Variants in RAPGEF2 observed in about 807,000 individuals in gnomAD.
RAPGEF2 encodes the protein PDZ domain containing guanine nucleotide exchange factor (GEF) 1.
In RAPGEF2, 54 loss-of-function variants were observed where a neutral mutation model predicts 186.7. The ratio of observed to expected loss-of-function variants is 0.29; its 90% confidence interval spans 0.23 to 0.36. The LOEUF is 0.36. Ranked by LOEUF, RAPGEF2 falls within the 10% of genes least tolerant of loss-of-function variation. The pLI is 1.00. For synonymous variants in RAPGEF2, 712 were observed against 705.9 expected (o/e 1.01, Z -0.14); for missense variants, 1,532 against 2,045.0 (o/e 0.75, Z 4.84).
intron 3 of RAPGEF2, among the ~76,000 whole-genome samples, chr4:159,195,733 C>T (rs76421719): frequency 0.026 from 4,021 of 152,212 alleles, 73 homozygotes; most frequent in Middle Eastern, 0.041. Context: ...GGTAAACACA[C>T]ACTCTCTCCC....
rs920760539 is a variant in RAPGEF2, at chr4:159,104,142, C to T, written c.-21C>T. On this transcript the variant is annotated 5_prime_UTR_variant, in exon 1 of 30. Transcript: ENST00000691494. ...GGCCGGCCAGGGTGCGGAGCGGCCC[C>T]GGCCCGCTCCCAGAGGGGAGATGGC... 7.3e-6 allele frequency: 11 copies of T among 1,507,586 alleles called. No homozygotes were observed. The African/African-American group carries it at 1.1e-4, about 15-fold the overall frequency. 93.4% of individuals were successfully genotyped at this position (1,507,586 alleles called of 1,614,324 possible). A position where few individuals can be genotyped will look rare whatever the true frequency, so the allele number is the denominator to read the frequency against.
intron 4 of RAPGEF2, among the ~76,000 whole-genome samples, chr4:159,220,157 GAAAATTTCATCATATCAA>G (rs1017991554): frequency 6.6e-6 from 1 of 152,178 alleles, no homozygotes; most frequent in Admixed American, 6.5e-5. Context: ...TGGTGAAACA[GAAAATTTCATCATATCAA>G]AAAATTTCAT....
At chr4:159,223,402 A>T (rs1751723219) in intron 4 of RAPGEF2, among the ~76,000 whole-genome samples, 1 of 152,172 alleles carries the variant, frequency 6.6e-6, no homozygotes, top group Admixed American at 6.5e-5. Flanking sequence ...TTCATGTTTT[A>T]CAACTAGAAA....
In RAPGEF2 at chr4:159,103,254, C is replaced by A. The variant is rs1440585404; in HGVS notation, c.-909C>A. On this transcript the variant is annotated 5_prime_UTR_variant, in exon 1 of 30. Transcript: ENST00000691494. ...CCCGGGCTGTCCGCGGCCCCCTCTT[C>A]CCCCTCCTCCGCCCCGCGCAGACGA... 1 of 152,074 alleles carries A rather than the reference C, an allele frequency of 6.6e-6. No homozygotes were observed. Among genetic ancestry groups the A allele is most frequent in the East Asian group, 1.9e-4 (1 of 5,168 alleles). 9.4% of individuals were successfully genotyped at this position (152,074 alleles called of 1,614,324 possible). A position where few individuals can be genotyped will look rare whatever the true frequency, so the allele number is the denominator to read the frequency against.
intron 7 of RAPGEF2, among the ~76,000 whole-genome samples, chr4:159,275,884 C>T (rs1758801860): frequency 6.6e-6 from 1 of 151,982 alleles, no homozygotes; most frequent in African/African-American, 2.4e-5. Context: ...AACCCAGACA[C>T]TTTTACTCTG....
chr4:159,329,659 A>G (rs988533136), intron 11 of RAPGEF2, 199 bp from the exon 12 acceptor site: 2 of 369,460 alleles, frequency 5.4e-6, no homozygotes, highest in African/African-American at 4.2e-5. Context: ...TATTCTAAAA[A>G]TGAAACTTTT....
At chr4:159,110,573 C>T (rs1217509304) in intron 1 of RAPGEF2, among the ~76,000 whole-genome samples, 1 of 152,090 alleles carries the variant, frequency 6.6e-6, no homozygotes, top group African/African-American at 2.4e-5. Flanking sequence ...AGCGAAACCC[C>T]ATCTCAAAAA....
At chr4:159,310,863 GTGT>G (rs1380360116) in intron 8 of RAPGEF2, among the ~76,000 whole-genome samples, 3 of 152,134 alleles carry the variant, frequency 2.0e-5, no homozygotes, top group African/African-American at 7.2e-5. Flanking sequence ...AGTCTTAGTA[GTGT>G]TGTTATTTGG....
intron 24 of RAPGEF2, among the ~76,000 whole-genome samples, chr4:159,346,486 A>T (rs934467957): frequency 1.3e-5 from 2 of 152,186 alleles, no homozygotes; most frequent in African/African-American, 4.8e-5. Context: ...ATATACATGG[A>T]TATAACATAT....
At chr4:159,109,880 A>G (rs1393288000) in intron 1 of RAPGEF2, among the ~76,000 whole-genome samples, 4 of 152,224 alleles carry the variant, frequency 2.6e-5, no homozygotes, top group Admixed American at 6.5e-5. Context: ...AGGAGGGGGT[A>G]AGGAATGATT....
chr4:159,140,395 C>T (rs1742180888), intron 1 of RAPGEF2, among the ~76,000 whole-genome samples: 1 of 152,174 alleles, frequency 6.6e-6, no homozygotes, highest in African/African-American at 2.4e-5. Flanking sequence ...CTGAACTTAC[C>T]TTTCTCTTTT....
At chr4:159,294,142 T>C (rs1409705873) in intron 7 of RAPGEF2, among the ~76,000 whole-genome samples, 1 of 152,216 alleles carries the variant, frequency 6.6e-6, no homozygotes, top group Non-Finnish European at 1.5e-5. Context: ...AAAAATTAAT[T>C]ATGGGTTAAT....
chr4:159,276,078 T>A (rs1758825798), intron 7 of RAPGEF2, among the ~76,000 whole-genome samples: 2 of 152,152 alleles, frequency 1.3e-5, no homozygotes. Context: ...TCCCAGTATC[T>A]TTAATTGTAG....
At chr4:159,152,757 A>G (rs1743697151) in intron 1 of RAPGEF2, among the ~76,000 whole-genome samples, 1 of 152,146 alleles carries the variant, frequency 6.6e-6, no homozygotes, top group African/African-American at 2.4e-5. Context: ...AGCTGGGAGT[A>G]CAGGTGCCCA....
At chr4:159,121,455 C>T (rs1739672052) in intron 1 of RAPGEF2, among the ~76,000 whole-genome samples, 1 of 151,788 alleles carries the variant, frequency 6.6e-6, no homozygotes, top group South Asian at 2.1e-4. Context: ...CAGCCTCAAT[C>T]TCTTGGACTC....
intron 4 of RAPGEF2, among the ~76,000 whole-genome samples, chr4:159,224,777 T>G (rs1751861421): frequency 6.6e-6 from 1 of 152,208 alleles, no homozygotes; most frequent in Non-Finnish European, 1.5e-5. Context: ...GACAGGAACC[T>G]TATCTTAATG....
intron 1 of RAPGEF2, among the ~76,000 whole-genome samples, chr4:159,172,509 G>A (rs1488321697): frequency 6.6e-6 from 1 of 152,134 alleles, no homozygotes; most frequent in African/African-American, 2.4e-5. Context: ...TGGTAATGAT[G>A]ATCTGAGGGC....
chr4:159,247,272 A>G (rs1442313445), intron 7 of RAPGEF2, among the ~76,000 whole-genome samples: 1 of 152,206 alleles, frequency 6.6e-6, no homozygotes, highest in Non-Finnish European at 1.5e-5. Context: ...CTAGAGATAT[A>G]AAAGTCAACA....
intron 9 of RAPGEF2, among the ~76,000 whole-genome samples, chr4:159,319,410 A>G (rs936487878): frequency 1.1e-4 from 17 of 152,000 alleles, no homozygotes; most frequent in African/African-American, 4.1e-4. Context: ...TTCATCCCAA[A>G]ACTATCCCCC....
Sources: gnomAD v4.1 joint callset for allele counts (sites outside exome capture counted in the v4.1 genomes callset) on GRCh38, gnomAD v4.1.1 for gene constraint, MANE v1.5 for transcripts, NCBI Gene and HGNC (gene_info 2026-07-23, HGNC 2026-07-21) for gene names.